Variants in UGT8 observed in about 807,000 individuals in gnomAD.
The protein encoded by UGT8 is UDP glycosyltransferase 8.
Under a neutral mutation model 40.5 loss-of-function variants are expected in UGT8, and 12 were observed. The ratio of observed to expected loss-of-function variants is 0.30; its 90% CI spans 0.19 to 0.48. The LOEUF (loss-of-function observed/expected upper bound fraction) is 0.48. UGT8 is among the 20% of genes least tolerant of loss of function. The pLI is 0.99. For missense variants in UGT8, 513 were observed against 648.7 expected (o/e 0.79, Z 2.27); for synonymous variants, 224 against 240.4 (o/e 0.93, Z 0.63).
chr4:114,601,323 T>G (rs916714648), intron 1 of UGT8, among the ~76,000 whole-genome samples: 4 of 152,208 alleles, frequency 2.6e-5, no homozygotes, highest in African/African-American at 4.8e-5. Context: ...ATTTAAATAT[T>G]GCTAAAAATC....
intron 1 of UGT8, among the ~76,000 whole-genome samples, chr4:114,603,028 C>T (rs995293172): frequency 6.6e-6 from 1 of 151,950 alleles, no homozygotes; most frequent in African/African-American, 2.4e-5. Context: ...GGTCCTTGTA[C>T]CAAAGTGTTG....
intron 1 of UGT8, among the ~76,000 whole-genome samples, chr4:114,603,624 G>C (rs562095093): frequency 2.5e-4 from 38 of 152,222 alleles, no homozygotes; most frequent in African/African-American, 7.9e-4. Context: ...TGAAATGAGG[G>C]GGTGTTAGAC....
chr4:114,599,459 C>G (rs940600127), intron 1 of UGT8, among the ~76,000 whole-genome samples: 8 of 152,184 alleles, frequency 5.3e-5, no homozygotes, highest in African/African-American at 1.9e-4. Flanking sequence ...CCCCTTTACT[C>G]CGTCTTCCCC....
chr4:114,627,559 A>T (rs1482422625), intron 2 of UGT8, among the ~76,000 whole-genome samples: 2 of 152,012 alleles, frequency 1.3e-5, no homozygotes, highest in Admixed American at 1.3e-4. Flanking sequence ...CGCCTGGCCA[A>T]ATAGATCCTT....
At chr4:114,622,676 C>A in intron 1 of UGT8, 1 of 500,630 alleles carries the variant, frequency 2.0e-6, no homozygotes, top group South Asian at 2.8e-5. Flanking sequence ...ATTTGCATTT[C>A]TCTGATGGCC....
rs912890523 is a variant in UGT8 at position 114,656,058 on chromosome 4, A to G, written c.823-7937A>G. Among the ~76,000 whole-genome samples the G allele has an allele frequency of 3.3e-5, 5 of 152,118 alleles. No individual in the cohort carries two copies. In the South Asian group the frequency reaches 1.0e-3, roughly 32 times the overall value. On this transcript the variant is annotated intron_variant, in intron 2 of 5. Transcript: ENST00000310836. ...TCACAGAAGGGATGCTATATTCTGC[A>G]TGTTGCATCTGATTAGGTGGTACGT...
intron 2 of UGT8, among the ~76,000 whole-genome samples, chr4:114,654,905 T>A (rs1319698042): frequency 1.3e-5 from 2 of 152,080 alleles, no homozygotes; most frequent in Non-Finnish European, 2.9e-5. Context: ...AATACTAATT[T>A]AGCTGTTTAT....
At chr4:114,621,515 C>G (rs1293077221) in intron 1 of UGT8, among the ~76,000 whole-genome samples, 1 of 152,116 alleles carries the variant, frequency 6.6e-6, no homozygotes, top group African/African-American at 2.4e-5. Context: ...TTTTCTAAAA[C>G]AATCTTTCTT....
At chr4:114,661,565 CGAATCCAAA>C (rs965875901) in intron 2 of UGT8, among the ~76,000 whole-genome samples, 2 of 152,138 alleles carry the variant, frequency 1.3e-5, no homozygotes, top group African/African-American at 4.8e-5. Flanking sequence ...GCTTGTCAAC[CGAATCCAAA>C]ATCCAACCCC....
intron 2 of UGT8, among the ~76,000 whole-genome samples, chr4:114,657,434 A>T (rs993188881): frequency 1.3e-5 from 2 of 152,102 alleles, no homozygotes; most frequent in African/African-American, 4.8e-5. Flanking sequence ...GCATCTTTTG[A>T]GATTTTAAAA....
Position 114,623,021 on chromosome 4 carries a change from G to A in UGT8, c.141G>A (p.Glu47=). 6.2e-7 allele frequency: 1 copy of A among 1,614,080 alleles called. No individual in the cohort carries two copies. The highest frequency in any genetic ancestry group is 8.5e-7 in the Non-Finnish European group (1 of 1,180,010). ...IFKTLASALH[E]RGHHTVFLLS... is the part of the protein sequence containing the mutation. Reference sequence around the variant, plus strand: ...AGACGCTAGCCTCAGCCTTGCACGAGAGAGGCCACCATACAGTGTTCCTCC... The same window carrying A: ...AGACGCTAGCCTCAGCCTTGCACGAAAGAGGCCACCATACAGTGTTCCTCC... The change falls in exon 2 of 6, where the codon GAG becomes GAA. Residue 47 remains glutamate (E), a synonymous_variant. Transcript: ENST00000310836.
intron 2 of UGT8, among the ~76,000 whole-genome samples, chr4:114,644,233 AT>A (rs1733412910): frequency 6.6e-6 from 1 of 152,186 alleles, no homozygotes; most frequent in Non-Finnish European, 1.5e-5. Context: ...CTGTCTGTGA[AT>A]TGCATGTGTA....
chr4:114,654,162 G>C (rs1734039824), intron 2 of UGT8, among the ~76,000 whole-genome samples: 1 of 151,924 alleles, frequency 6.6e-6, no homozygotes, highest in African/African-American at 2.4e-5. Flanking sequence ...TAGGTTATTT[G>C]GTATTATTGG....
chr4:114,662,162 GA>G (rs943610300), intron 2 of UGT8, among the ~76,000 whole-genome samples: 6 of 152,180 alleles, frequency 3.9e-5, no homozygotes, highest in Non-Finnish European at 8.8e-5. Flanking sequence ...ATCATAAGTT[GA>G]AAATATTTTA....
intron 5 of UGT8, among the ~76,000 whole-genome samples, 181 bp downstream of exon 5, chr4:114,668,485 A>G (rs773038193): frequency 6.6e-6 from 1 of 152,188 alleles, no homozygotes; most frequent in Non-Finnish European, 1.5e-5. Flanking sequence ...CAGTCATTTG[A>G]CCAGCCATGT....
Position 114,650,726 on chromosome 4 carries a change from A to G in UGT8, c.823-13269A>G, listed in dbSNP as rs1303161377. 3.9e-5 allele frequency among the ~76,000 whole-genome samples: 6 copies of G among 152,152 alleles called. No individual in the cohort carries two copies. In the East Asian group the frequency reaches 9.6e-4, roughly 24 times the overall value. On this transcript the variant is annotated intron_variant, in intron 2 of 5. Transcript: ENST00000310836. ...TTGTCACAATCAGTCTTCAGGTTAC[A>G]GGAATCCAGAAGAACTCATAAATTC...
At chr4:114,599,248 T>A (rs904985816) in intron 1 of UGT8, among the ~76,000 whole-genome samples, 6 of 152,072 alleles carry the variant, frequency 3.9e-5, no homozygotes, top group African/African-American at 1.4e-4. Flanking sequence ...ATCCTGTTTC[T>A]GCCATATGGC....
At position 114,610,388 on chromosome 4, in the gene UGT8, G is replaced by C. The variant is rs141778811; in HGVS notation, c.-3+11414G>C. ...TATCATTTTGGTACAAATATATTGT[G>C]TCAATGTTTAAATATATTTATCTTA... On this transcript the variant is annotated intron_variant, in intron 1 of 5. Coordinates refer to ENST00000310836, the MANE Select transcript of UGT8 (RefSeq NM_001128174.3). Among the ~76,000 whole-genome samples, 599 of 152,224 alleles carry C rather than the reference G, an allele frequency of 3.9e-3. 10 individuals carry two copies. The highest frequency in any genetic ancestry group is 0.01 in the East Asian group (53 of 5,192).
chr4:114,642,364 A>G (rs1014665935), intron 2 of UGT8, among the ~76,000 whole-genome samples: 2 of 152,164 alleles, frequency 1.3e-5, no homozygotes, highest in Admixed American at 6.5e-5. Flanking sequence ...TGCCATGCTC[A>G]GCACATATTA....
Sources: allele counts gnomAD v4.1 joint callset (sites outside exome capture counted in the v4.1 genomes callset), GRCh38; gene constraint gnomAD v4.1.1; transcripts MANE v1.5; gene names NCBI Gene and HGNC (gene_info 2026-07-23, HGNC 2026-07-21).